RBFOX1: variants seen among roughly 807,000 people sequenced by gnomAD.
RBFOX1 encodes the protein RNA binding protein fox-1 homolog 1.
In RBFOX1, 8 loss-of-function variants were observed where a neutral mutation model predicts 57.7. The observed-to-expected ratio is 0.14, with a 90% CI of 0.08 to 0.25. The LOEUF (loss-of-function observed/expected upper bound fraction) is 0.25, where lower values mean the gene tolerates loss of function less well. RBFOX1 is among the 10% of genes least tolerant of loss of function. RBFOX1 has a pLI of 1.00. For synonymous variants in RBFOX1, 326 were observed against 222.4 expected (o/e 1.47, Z -4.15); for missense variants, 611 against 548.5 (o/e 1.11, Z -1.14).
At chr16:6,905,547 C>T (rs1192919510) in intron 3 of RBFOX1, among the ~76,000 whole-genome samples, 1 of 86,296 alleles carries the variant, frequency 1.2e-5, no homozygotes, top group African/African-American at 4.8e-5. Flanking sequence ...AGTTAGACTC[C>T]ATCTCAAAAA....
intron 3 of RBFOX1, among the ~76,000 whole-genome samples, chr16:6,723,111 A>T (rs974877401): frequency 6.6e-6 from 1 of 152,198 alleles, no homozygotes; most frequent in Non-Finnish European, 1.5e-5. Context: ...GAGTTTTCAC[A>T]ACGTGTTTGT....
At chr16:7,277,181 C>T (rs568682118) in intron 4 of RBFOX1, among the ~76,000 whole-genome samples, 12 of 152,106 alleles carry the variant, frequency 7.9e-5, no homozygotes, top group South Asian at 2.1e-4. Context: ...TGCAATTAAC[C>T]GACTTTTATT....
At chr16:7,090,255 A>G (rs969530812) in intron 4 of RBFOX1, among the ~76,000 whole-genome samples, 6 of 152,082 alleles carry the variant, frequency 3.9e-5, no homozygotes, top group Admixed American at 6.6e-5. Context: ...TATTCAGTTT[A>G]CTCCTGTCAT....
At chr16:5,943,860 C>T (rs181092414) in intron 4 of RBFOX1, among the ~76,000 whole-genome samples, 14 of 152,062 alleles carry the variant, frequency 9.2e-5, no homozygotes, top group African/African-American at 3.4e-4. Context: ...TATTCATCCA[C>T]TCATCCATTA....
chr16:6,869,122 C>G (rs1161715305), intron 3 of RBFOX1, among the ~76,000 whole-genome samples: 1 of 152,168 alleles, frequency 6.6e-6, no homozygotes, highest in Non-Finnish European at 1.5e-5. Flanking sequence ...ATTGTGTTGC[C>G]CATACTGGCT....
chr16:6,012,020 A>C (rs905459002), intron 4 of RBFOX1, among the ~76,000 whole-genome samples: 1 of 152,106 alleles, frequency 6.6e-6, no homozygotes, highest in African/African-American at 2.4e-5. Flanking sequence ...GGAAGTCACC[A>C]CTCACTTCCA....
At chr16:6,032,374 A>G (rs1270405427) in intron 1 of RBFOX1, among the ~76,000 whole-genome samples, 3 of 15,178 alleles carry the variant, frequency 2.0e-4, no homozygotes, top group South Asian at 1.4e-3. Flanking sequence ...CAACTCTTCT[A>G]CTTATTAAAA....
At chr16:6,899,025 G>T (rs1056036729) in intron 3 of RBFOX1, among the ~76,000 whole-genome samples, 1 of 135,898 alleles carries the variant, frequency 7.4e-6, no homozygotes, top group African/African-American at 3.1e-5. Flanking sequence ...GTCTCTGTGT[G>T]TGTGTATAAT....
intron 2 of RBFOX1, among the ~76,000 whole-genome samples, chr16:6,424,490 G>A (rs908555552): frequency 1.3e-5 from 2 of 152,120 alleles, no homozygotes; most frequent in Admixed American, 1.3e-4. Context: ...AAGGAAAGGG[G>A]CTCCAGGAAT....
At chr16:6,580,418 G>A (rs2097520791) in intron 2 of RBFOX1, among the ~76,000 whole-genome samples, 1 of 152,166 alleles carries the variant, frequency 6.6e-6, no homozygotes, top group African/African-American at 2.4e-5. Context: ...TGTGGTCATT[G>A]AAGAGCTAGT....
At chr16:6,600,219 G>T (rs1047548916) in intron 2 of RBFOX1, among the ~76,000 whole-genome samples, 7 of 151,968 alleles carry the variant, frequency 4.6e-5, no homozygotes, top group African/African-American at 1.7e-4. Flanking sequence ...ATTAATGGTG[G>T]TGCTGATGAA....
At position 5,555,398 on chromosome 16, in the gene RBFOX1, G is replaced by A. The variant is rs1016771547; in HGVS notation, c.259-43504G>A. ...CCCGAGTAGCTGGGACTACAGGCAT[G>A]AGCCACCAGGCCTGGCAAATTTTTG... On this transcript the variant is annotated intron_variant, in intron 2 of 2. Coordinates refer to the RBFOX1 transcript ENST00000585867. 4.7e-4 allele frequency among the ~76,000 whole-genome samples: 72 copies of A among 152,004 alleles called. 1 individual carries two copies. The highest frequency in any genetic ancestry group is 1.5e-4 in the Non-Finnish European group (10 of 68,026).
intron 1 of RBFOX1, among the ~76,000 whole-genome samples, chr16:5,326,674 A>T (rs905266486): frequency 1.2e-4 from 18 of 152,360 alleles, no homozygotes; most frequent in African/African-American, 3.8e-4. Flanking sequence ...AGCAGAGGTT[A>T]TCCGTTCCAA....
chr16:6,157,049 T>C (rs2152736363), intron 1 of RBFOX1, among the ~76,000 whole-genome samples: 1 of 152,144 alleles, frequency 6.6e-6, no homozygotes, highest in East Asian at 1.9e-4. Flanking sequence ...TTGCCTAGGC[T>C]GCTCTCTCAC....
At chr16:7,235,899 C>G (rs567622064) in intron 4 of RBFOX1, among the ~76,000 whole-genome samples, 11 of 152,070 alleles carry the variant, frequency 7.2e-5, no homozygotes, top group African/African-American at 2.7e-4. Flanking sequence ...TGATCACTGT[C>G]TCCTTGCCCT....
chr16:6,922,843 C>T (rs1053114072), intron 3 of RBFOX1, among the ~76,000 whole-genome samples: 1 of 152,162 alleles, frequency 6.6e-6, no homozygotes, highest in Non-Finnish European at 1.5e-5. Flanking sequence ...TCACAGAGCA[C>T]ATCATAGTGA....
intron 3 of RBFOX1, among the ~76,000 whole-genome samples, chr16:6,658,928 G>GTTTTTTTGTTTTTTT (rs2098681452): frequency 2.3e-5 from 2 of 87,558 alleles, no homozygotes; most frequent in South Asian, 3.3e-4. Context: ...TTGTTTTTTG[G>GTTTTTTTGTTTTTTT]TTTTTTTGTT....
intron 2 of RBFOX1, among the ~76,000 whole-genome samples, chr16:6,422,056 GA>G (rs149862675): frequency 0.42 from 63,595 of 150,968 alleles, 14,300 homozygotes; most frequent in Non-Finnish European, 0.49. Context: ...GAGTAGGTGG[GA>G]TTACAGGTAA....
chr16:6,918,058 G>A (rs942177416), intron 3 of RBFOX1, among the ~76,000 whole-genome samples: 8 of 152,070 alleles, frequency 5.3e-5, no homozygotes, highest in Admixed American at 1.3e-4. Flanking sequence ...AGGTCGAGGC[G>A]GGTGGATCGC....
Sources: gnomAD v4.1 joint callset for allele counts (sites outside exome capture counted in the v4.1 genomes callset) on GRCh38, gnomAD v4.1.1 for gene constraint, MANE v1.5 for transcripts, NCBI Gene and HGNC (gene_info 2026-07-23, HGNC 2026-07-21) for gene names.